Variants in STX12 observed in about 807,000 individuals in gnomAD.
STX12 encodes syntaxin 12.
Under a neutral mutation model 42.2 loss-of-function variants are expected in STX12, and 17 were observed. The observed-to-expected ratio is 0.40, with a 90% confidence interval of 0.28 to 0.60. The LOEUF is 0.60. Among genes scored for constraint, STX12 ranks in the 20% least tolerant of loss-of-function variants. STX12 has a pLI of 0.39. For missense variants in STX12, 297 were observed against 330.9 expected (o/e 0.90, Z 0.79); for synonymous variants, 108 against 116.7 (o/e 0.93, Z 0.48).
chr1:27,782,594 T>TTGGGAGGGC (rs2088675667), intron 1 of STX12, among the ~76,000 whole-genome samples: 1 of 152,110 alleles, frequency 6.6e-6, no homozygotes, highest in Admixed American at 6.5e-5. Flanking sequence ...TTCCAGCACT[T>TTGGGAGGGC]TGGGAGGGCA....
intron 5 of STX12, 44 bp from the exon 6 acceptor site, chr1:27,812,119 G>A (rs2088906921): frequency 1.4e-6 from 2 of 1,472,990 alleles, no homozygotes; most frequent in Non-Finnish European, 1.9e-6. Flanking sequence ...GTCTTGTTAT[G>A]CCTTTGAGAG....
intron 1 of STX12, among the ~76,000 whole-genome samples, chr1:27,780,335 A>G (rs576016685): frequency 1.4e-5 from 2 of 146,620 alleles, no homozygotes; most frequent in Non-Finnish European, 3.0e-5. Flanking sequence ...CAGCCTCCCC[A>G]GTAGCTGGGA....
chr1:27,808,911 T>C (rs916711759), intron 4 of STX12, among the ~76,000 whole-genome samples: 20 of 152,208 alleles, frequency 1.3e-4, no homozygotes, highest in Admixed American at 2.6e-4. Flanking sequence ...AACGTTATTA[T>C]ATGCCAAAGA....
intron 1 of STX12, among the ~76,000 whole-genome samples, chr1:27,780,873 C>T (rs957634132): frequency 6.6e-6 from 1 of 151,408 alleles, no homozygotes; most frequent in Non-Finnish European, 1.5e-5. Context: ...AATCGCTGAT[C>T]GCTTGAGCCT....
chr1:27,780,209 GTTTTT>G (rs199499561), intron 1 of STX12, among the ~76,000 whole-genome samples: 1 of 125,954 alleles, frequency 7.9e-6, no homozygotes, highest in Admixed American at 8.0e-5. Flanking sequence ...TTCTTTGCTT[GTTTTT>G]TTTTTTTTTT....
At chr1:27,776,837 T>C (rs1215034278) in intron 1 of STX12, among the ~76,000 whole-genome samples, 4 of 152,202 alleles carry the variant, frequency 2.6e-5, no homozygotes. Context: ...GTGGGGGAAA[T>C]ACCTGAAGCC....
intron 1 of STX12, 52 bp from the exon 2 acceptor site, chr1:27,789,510 A>T: frequency 7.2e-7 from 1 of 1,395,130 alleles, no homozygotes; most frequent in Non-Finnish European, 1.0e-6. Context: ...TAGGGTACTC[A>T]TGATGAATGT....
rs1424884404 is a variant in STX12 at position 27,820,098 on chromosome 1, C to T, written c.732+366C>T. The T allele has an allele frequency of 3.7e-5, 6 of 160,986 alleles. No individual in the cohort carries two copies. In the South Asian group the frequency reaches 8.7e-4, roughly 23 times the overall value. 10.0% of individuals were successfully genotyped at this position (160,986 alleles called of 1,614,324 possible). A position where few individuals can be genotyped will look rare whatever the true frequency, so the allele number is the denominator to read the frequency against. On this transcript the variant is annotated intron_variant, in intron 8 of 8. Coordinates refer to ENST00000373943, the MANE Select transcript of STX12 (RefSeq NM_177424.3). ...ATAGATTCTTTATGTTGAGTGTTGC[C>T]ATAGAGGATGGACATAGAATCAACT...
At chr1:27,779,595 G>A (rs534435408) in intron 1 of STX12, among the ~76,000 whole-genome samples, 2 of 152,154 alleles carry the variant, frequency 1.3e-5, no homozygotes, top group South Asian at 4.2e-4. Flanking sequence ...GCCTCCGAAA[G>A]TGCTGGGATT....
At chr1:27,798,064 T>C (rs2088798767) in intron 3 of STX12, among the ~76,000 whole-genome samples, 1 of 152,196 alleles carries the variant, frequency 6.6e-6, no homozygotes, top group Non-Finnish European at 1.5e-5. Context: ...GGTCATTGTA[T>C]AGATAAATGA....
intron 8 of STX12, chr1:27,819,967 T>C: frequency 2.6e-6 from 1 of 385,788 alleles, no homozygotes; most frequent in South Asian, 3.1e-5. Flanking sequence ...GCTAACCCTA[T>C]ACACTAATAT....
intron 1 of STX12, among the ~76,000 whole-genome samples, chr1:27,775,837 T>C (rs2088625106): frequency 6.6e-6 from 1 of 152,132 alleles, no homozygotes; most frequent in Non-Finnish European, 1.5e-5. Context: ...CAGGAGGGAA[T>C]AAAATGAACA....
At chr1:27,794,109 C>T (rs993214919) in intron 3 of STX12, among the ~76,000 whole-genome samples, 17 of 151,962 alleles carry the variant, frequency 1.1e-4, no homozygotes, top group Admixed American at 3.3e-4. Context: ...ACTGCAGCCT[C>T]CCACTTCTGG....
At chr1:27,804,954 GGT>G (rs1162928359) in intron 4 of STX12, among the ~76,000 whole-genome samples, 2 of 152,122 alleles carry the variant, frequency 1.3e-5, no homozygotes, top group Non-Finnish European at 2.9e-5. Flanking sequence ...TTACAGTCAT[GGT>G]AGAAGACACC....
At chr1:27,806,081 C>T (rs1267564210) in intron 4 of STX12, among the ~76,000 whole-genome samples, 1 of 152,034 alleles carries the variant, frequency 6.6e-6, no homozygotes, top group Non-Finnish European at 1.5e-5. Flanking sequence ...TTTCATTTTA[C>T]AATATAAAAA....
At chr1:27,799,835 C>T (rs545432078) in intron 3 of STX12, among the ~76,000 whole-genome samples, 1 of 152,138 alleles carries the variant, frequency 6.6e-6, no homozygotes, top group Non-Finnish European at 1.5e-5. Context: ...TCACTGCAAC[C>T]TCCACCTCCT....
chr1:27,777,145 A>G (rs1413377540), intron 1 of STX12, among the ~76,000 whole-genome samples: 1 of 145,516 alleles, frequency 6.9e-6, no homozygotes, highest in Non-Finnish European at 1.6e-5. Context: ...ATGTCAAGTA[A>G]TAATAAATGC....
chr1:27,791,517 T>C (rs2088740872), intron 2 of STX12, among the ~76,000 whole-genome samples: 1 of 151,896 alleles, frequency 6.6e-6, no homozygotes, highest in Non-Finnish European at 1.5e-5. Context: ...TTCTTCATCT[T>C]TAAAATGTTC....
chr1:27,781,825 A>G (rs2148597239), intron 1 of STX12, among the ~76,000 whole-genome samples: 1 of 152,320 alleles, frequency 6.6e-6, no homozygotes, highest in African/African-American at 2.4e-5. Context: ...GTTGGCATTC[A>G]ATATGTACTT....
Sources: gnomAD v4.1 joint callset for allele counts (sites outside exome capture counted in the v4.1 genomes callset) on GRCh38, gnomAD v4.1.1 for gene constraint, MANE v1.5 for transcripts, NCBI Gene and HGNC (gene_info 2026-07-23, HGNC 2026-07-21) for gene names.